Variants in NFIB observed in about 807,000 individuals in gnomAD.
NFIB encodes the protein nuclear factor I B.
Under a neutral mutation model 61.5 loss-of-function variants are expected in NFIB, and 11 were observed. That is an observed-to-expected ratio of 0.18 (90% CI 0.11 to 0.30). The LOEUF is 0.30. Among genes scored for constraint, NFIB ranks in the 10% least tolerant of loss-of-function variants. The pLI is 1.00. For synonymous variants in NFIB, 260 were observed against 216.5 expected, an observed-to-expected ratio of 1.20 and a Z score of -1.76; for missense variants, 471 against 608.9, an observed-to-expected ratio of 0.77 and a Z score of 2.38.
At chr9:14,490,147 C>G in the NFIB span, among the ~76,000 whole-genome samples, 1 of 152,134 alleles carries the variant, frequency 6.6e-6, no homozygotes, top group Non-Finnish European at 1.5e-5. Context: ...CTATTGACCC[C>G]AAATTTTACC....
Position 14,307,262 on chromosome 9 carries a change from T to C in NFIB, c.289A>G (p.Thr97Ala). 6.2e-7 allele frequency: 1 copy of C among 1,614,044 alleles called. No individual in the cohort carries two copies. Among genetic ancestry groups the C allele is most frequent in the Non-Finnish European group, 8.5e-7 (1 of 1,180,024 alleles). Residue 97 changes from threonine to alanine, a missense_variant, in exon 2 of 11, where the codon ACT (threonine) becomes GCT (alanine). By Grantham distance (58) the Thr-to-Ala change is moderately conservative. This residue lies in a region of NFIB where 99 missense variants were observed against 213.3 expected (regional missense o/e 0.46). Transcript: ENST00000380953. The surrounding 1 kb of genome is among the most constrained non-coding windows in gnomAD (Gnocchi z 5.3). ...EYREDFVLTVTGKKHPCCVLS... is the reference protein window; with the variant it reads ...EYREDFVLTVAGKKHPCCVLS... ...ACACAGCACGGGTGCTTCTTGCCAG[T>C]CACGGTGAGCACAAAGTCCTCTCGA...
chr9:14,424,260 TGTA>T, the NFIB span, among the ~76,000 whole-genome samples: 3 of 152,072 alleles, frequency 2.0e-5, no homozygotes, highest in Non-Finnish European at 4.4e-5. Context: ...GAAGAAGAAA[TGTA>T]GTGATGGATG....
rs185213719 is a variant in NFIB at position 14,195,558 on chromosome 9, G to A, written c.563-15778C>T. ...TTTATTGTGTTGCCACTTCATTCTT[G>A]TTTATTTAGGTTTCTTTATTCACTG... On this transcript the variant is annotated intron_variant, in intron 2 of 10. Coordinates refer to ENST00000380953, the MANE Select transcript of NFIB (RefSeq NM_001190737.2). Among the ~76,000 whole-genome samples the A allele has an allele frequency of 7.0e-3, 1,067 of 152,280 alleles. 6 individuals carry two copies. The highest frequency in any genetic ancestry group is 0.019 in the African/African-American group (781 of 41,566).
At chr9:14,257,017 T>C (rs376373876) in intron 2 of NFIB, among the ~76,000 whole-genome samples, 3 of 152,304 alleles carry the variant, frequency 2.0e-5, no homozygotes, top group East Asian at 3.9e-4. Flanking sequence ...AGGGCCCACA[T>C]AGTAACAAAA....
At chr9:14,238,253 G>A (rs139166980) in intron 2 of NFIB, among the ~76,000 whole-genome samples, 6 of 152,198 alleles carry the variant, frequency 3.9e-5, no homozygotes, top group African/African-American at 1.4e-4. Flanking sequence ...TAGTATTGCT[G>A]CTACTGAAAG....
chr9:14,335,982 T>C (rs1337750424), intron 1 of NFIB, among the ~76,000 whole-genome samples: 1 of 152,220 alleles, frequency 6.6e-6, no homozygotes, highest in Non-Finnish European at 1.5e-5. Flanking sequence ...GTTTTCCACA[T>C]ACATGTGGGT....
At chr9:14,227,586 A>G (rs1284489179) in intron 2 of NFIB, among the ~76,000 whole-genome samples, 1 of 152,206 alleles carries the variant, frequency 6.6e-6, no homozygotes, top group Non-Finnish European at 1.5e-5. Context: ...AAAATTTACA[A>G]CGGTACTGTA....
At chr9:14,148,197 A>G (rs1223064773) in intron 5 of NFIB, among the ~76,000 whole-genome samples, 2 of 151,984 alleles carry the variant, frequency 1.3e-5, no homozygotes, top group Non-Finnish European at 2.9e-5. Context: ...ACCACAGCTC[A>G]CTGCAGCCTC....
intron 1 of NFIB, among the ~76,000 whole-genome samples, chr9:14,395,836 C>T (rs1031033172): frequency 2.8e-5 from 4 of 142,476 alleles, no homozygotes; most frequent in Admixed American, 1.5e-4. Context: ...CCATCTGTTC[C>T]TGCAGGCCTT....
At position 14,249,669 on chromosome 9, in the gene NFIB, G is replaced by A. The variant is rs112882954; in HGVS notation, c.562+57320C>T. Among the ~76,000 whole-genome samples, 7 of 152,082 alleles carry A rather than the reference G, an allele frequency of 4.6e-5. No homozygotes were observed. In the East Asian group the frequency reaches 9.7e-4, roughly 21 times the overall value. ...GTACTGTAAAAAAATAGAAAGGAAG[G>A]AAGAGAGAGAGGGAGGGAGGGGAGA... On this transcript the variant is annotated intron_variant, in intron 2 of 10. Coordinates refer to ENST00000380953, the MANE Select transcript of NFIB (RefSeq NM_001190737.2).
At chr9:14,391,916 C>G (rs1031893832) in intron 1 of NFIB, among the ~76,000 whole-genome samples, 1 of 152,166 alleles carries the variant, frequency 6.6e-6, no homozygotes, top group Non-Finnish European at 1.5e-5. Flanking sequence ...CTCAGTCCCT[C>G]CCTCTGCCTT....
intron 2 of NFIB, among the ~76,000 whole-genome samples, chr9:14,262,678 T>C (rs2056869052): frequency 6.6e-6 from 1 of 152,222 alleles, no homozygotes; most frequent in Admixed American, 6.5e-5. Context: ...ATTCTGTTAC[T>C]GTTGACAATC....
intron 6 of NFIB, among the ~76,000 whole-genome samples, chr9:14,136,929 AT>A (rs568921708): frequency 8.6e-5 from 13 of 151,970 alleles, no homozygotes; most frequent in African/African-American, 1.9e-4. Context: ...CTAAATCTAT[AT>A]TTTTTTTCTC....
At position 14,240,267 on chromosome 9, in the gene NFIB, T is replaced by C. The variant is rs141497446; in HGVS notation, c.563-60487A>G. ...CATCTCTCCCTCTCTCCCTCTCTCT[T>C]TCTCTCCCTCTCTCTCAATAGATAA... On this transcript the variant is annotated intron_variant, in intron 2 of 10. Transcript: ENST00000380953. 1.8e-3 allele frequency among the ~76,000 whole-genome samples: 278 copies of C among 151,786 alleles called. 3 individuals carry two copies. In the East Asian group the frequency reaches 0.045, roughly 24 times the overall value.
In NFIB at chr9:14,199,396, C is replaced by T. The variant is rs573776278; in HGVS notation, c.563-19616G>A. 5.9e-5 allele frequency among the ~76,000 whole-genome samples: 9 copies of T among 152,268 alleles called. No homozygotes were observed. The South Asian group carries it at 8.3e-4, about 14-fold the overall frequency. On this transcript the variant is annotated intron_variant, in intron 2 of 10. Coordinates refer to ENST00000380953, the MANE Select transcript of NFIB (RefSeq NM_001190737.2). ...GCCCAGCTAATTGGCAACTCACAGC[C>T]GGCTACAGTGTACATCCTCGGCTTT...
chr9:14,201,865 G>A (rs2049070599), intron 2 of NFIB, among the ~76,000 whole-genome samples: 1 of 151,494 alleles, frequency 6.6e-6, no homozygotes, highest in South Asian at 2.1e-4. Flanking sequence ...TATTCTGATT[G>A]TGACATATAC....
intron 2 of NFIB, among the ~76,000 whole-genome samples, chr9:14,199,586 A>T (rs891505041): frequency 1.3e-5 from 2 of 152,208 alleles, no homozygotes; most frequent in Non-Finnish European, 2.9e-5. Context: ...AAACAGCAAA[A>T]AAAGTAAAGA....
At chr9:14,479,869 T>G in the NFIB span, among the ~76,000 whole-genome samples, 134 of 151,042 alleles carry the variant, frequency 8.9e-4, no homozygotes, top group Middle Eastern at 3.4e-3. Flanking sequence ...TTCCAACAAA[T>G]CAAAAGAAAA....
intron 1 of NFIB, among the ~76,000 whole-genome samples, chr9:14,365,868 A>C (rs2061293989): frequency 6.6e-6 from 1 of 152,060 alleles, no homozygotes; most frequent in Non-Finnish European, 1.5e-5. Context: ...TAAGAGCAAA[A>C]CCTCCCAAAC....
Sources: allele counts gnomAD v4.1 joint callset (sites outside exome capture counted in the v4.1 genomes callset), GRCh38; gene constraint gnomAD v4.1.1; regional missense constraint gnomAD v4.1.1; non-coding constraint Gnocchi (gnomAD v3.1); transcripts MANE v1.5; gene names NCBI Gene and HGNC (gene_info 2026-07-23, HGNC 2026-07-21).